Variants in ADGRB1 observed in about 807,000 individuals in gnomAD.
ADGRB1 encodes brain-specific angiogenesis inhibitor 1.
A neutral mutation model predicts 175.7 loss-of-function variants in ADGRB1; 36 were observed. That is an observed-to-expected ratio of 0.20 (90% CI 0.16 to 0.27). The LOEUF is 0.27. Ranked by LOEUF, ADGRB1 falls within the 10% of genes least tolerant of loss-of-function variation. The pLI, the probability that ADGRB1 is intolerant of heterozygous loss-of-function variation, is 1.00. For synonymous variants in ADGRB1, 1,054 were observed against 979.4 expected (o/e 1.08, Z -1.42); for missense variants, 1,731 against 2,255.3 (o/e 0.77, Z 4.71).
intron 23 of ADGRB1, among the ~76,000 whole-genome samples, chr8:142,524,938 G>A (rs904770046): frequency 3.3e-5 from 5 of 152,040 alleles, no homozygotes; most frequent in South Asian, 4.1e-4. Context: ...CACTCAGCCA[G>A]CCCCCACCTC....
At position 142,539,601 on chromosome 8, in the gene ADGRB1, C is replaced by T. The variant is rs535114864; in HGVS notation, c.3706+188C>T. On this transcript the variant is annotated intron_variant, in intron 27 of 30. Coordinates refer to ENST00000517894, the MANE Select transcript of ADGRB1 (RefSeq NM_001702.3). ...TGCCCTGGGGGCCCAGCCTTCCACC[C>T]CCGTCCACTTCCTGAGGCCGAAGGA... 214 of 678,060 alleles carry T rather than the reference C, an allele frequency of 3.2e-4. No homozygotes were observed. In the African/African-American group the frequency reaches 3.6e-3, roughly 11 times the overall value. The allele number at this position is 678,060 out of a possible 1,614,324, so 42.0% of individuals were successfully genotyped here. A position where few individuals can be genotyped will look rare whatever the true frequency, so the allele number is the denominator to read the frequency against.
intron 12 of ADGRB1, 79 bp downstream of exon 12, chr8:142,484,124 C>CGGGACCCCACCCCAGGCCGA: frequency 7.3e-7 from 1 of 1,366,510 alleles, no homozygotes; most frequent in Non-Finnish European, 1.0e-6. Flanking sequence ...CTCCAGTCGG[C>CGGGACCCCACCCCAGGCCGA]CTGGGGTGGG....
chr8:142,498,757 C>T (rs1842344749), intron 17 of ADGRB1, among the ~76,000 whole-genome samples: 1 of 152,198 alleles, frequency 6.6e-6, no homozygotes, highest in South Asian at 2.1e-4. Flanking sequence ...CTGCCCACCC[C>T]TCCCCTGCCC....
chr8:142,519,184 G>A (rs1164431950), intron 19 of ADGRB1, among the ~76,000 whole-genome samples: 2 of 152,190 alleles, frequency 1.3e-5, no homozygotes, highest in Non-Finnish European at 2.9e-5. Context: ...GGGGAATGGG[G>A]TTCAGGGGCT....
At position 142,543,506 on chromosome 8, in the gene ADGRB1, G is replaced by C. The variant is rs1053451698; in HGVS notation, c.4449+68G>C. On this transcript the variant is annotated intron_variant, in intron 29 of 30. Coordinates refer to ENST00000517894, the MANE Select transcript of ADGRB1 (RefSeq NM_001702.3). The surrounding 1 kb of genome is among the most constrained non-coding windows in gnomAD (Gnocchi z 4.4). ...TGTGCTCTGGGCTCCCACACGGCCA[G>C]GCAGCTCCCCGGCAGCCAGGGGACG... The C allele has an allele frequency of 6.2e-7, 1 of 1,608,686 alleles. No homozygotes were observed. The highest frequency in any genetic ancestry group is 1.3e-5 in the African/African-American group (1 of 74,784).
chr8:142,486,418 G>C (rs1391161525), intron 13 of ADGRB1, among the ~76,000 whole-genome samples: 2 of 152,216 alleles, frequency 1.3e-5, no homozygotes, highest in Non-Finnish European at 2.9e-5. Flanking sequence ...CCATGACCGG[G>C]TTGATGACCC....
At position 142,524,434 on chromosome 8, in the gene ADGRB1, C is replaced by T. The variant is rs1844055877; in HGVS notation, c.3312+130C>T. On this transcript the variant is annotated intron_variant, in intron 23 of 30. Coordinates refer to ENST00000517894, the MANE Select transcript of ADGRB1 (RefSeq NM_001702.3). ...CCTTCAGGATGGCCCTCATGGCCCT[C>T]ATCACCAGGGGGTGGGGGTGCCCAC... 3.8e-6 allele frequency: 4 copies of T among 1,054,142 alleles called. No individual in the cohort carries two copies. In the East Asian group the frequency reaches 1.1e-4, roughly 28 times the overall value. 65.3% of individuals were successfully genotyped at this position (1,054,142 alleles called of 1,614,324 possible). A position where few individuals can be genotyped will look rare whatever the true frequency, so the allele number is the denominator to read the frequency against.
chr8:142,531,946 C>T (rs577604182), intron 24 of ADGRB1, among the ~76,000 whole-genome samples: 26 of 152,274 alleles, frequency 1.7e-4, no homozygotes, highest in African/African-American at 6.0e-4. Context: ...GTGGGAGCAG[C>T]ATTGGTGGCC....
At chr8:142,498,505 C>T (rs1271607013) in intron 17 of ADGRB1, among the ~76,000 whole-genome samples, 6 of 152,156 alleles carry the variant, frequency 3.9e-5, no homozygotes, top group Non-Finnish European at 8.8e-5. Context: ...TTGGGGCTGG[C>T]AGCCAGGGCA....
Position 142,544,374 on chromosome 8 carries a change from C to T in ADGRB1, c.4712C>T (p.Pro1571Leu), listed in dbSNP as rs928628432. 5 of 1,530,230 alleles carry T rather than the reference C, an allele frequency of 3.3e-6. No individual in the cohort carries two copies. The highest frequency in any genetic ancestry group is 2.5e-5 in the East Asian group (1 of 40,648). 94.8% of individuals were successfully genotyped at this position (1,530,230 alleles called of 1,614,324 possible). ...VEWERSGATI[P>L]LVGQDIIDLQ... ...TGGGAGAGGTCGGGCGCCACGATCC[C>T]GCTGGTGGGCCAGGACATCATCGAC... Residue 1571 changes from proline (P) to leucine (L), a missense_variant, in exon 31 of 31, where the codon CCG becomes CTG. By Grantham distance (98) the Pro-to-Leu change is moderately conservative. This residue lies in a region of ADGRB1 where 7 missense variants were observed against 21.0 expected (regional missense o/e 0.33). Coordinates refer to ENST00000517894, the MANE Select transcript of ADGRB1 (RefSeq NM_001702.3).
At chr8:142,491,934 C>T (rs957010836) in intron 17 of ADGRB1, among the ~76,000 whole-genome samples, 3 of 152,000 alleles carry the variant, frequency 2.0e-5, no homozygotes, top group Non-Finnish European at 4.4e-5. Flanking sequence ...GGAGCAAGGG[C>T]AGGGAGGCTG....
chr8:142,454,980 T>C (rs1839577393), intron 1 of ADGRB1, among the ~76,000 whole-genome samples: 1 of 151,900 alleles, frequency 6.6e-6, no homozygotes, highest in Non-Finnish European at 1.5e-5. Context: ...CCTCCTTCCC[T>C]GCATGGGTTT....
rs1843060596 is a variant in ADGRB1 at position 142,510,836 on chromosome 8, C to T, written c.2676-96C>T. On this transcript the variant is annotated intron_variant, in intron 17 of 30. Coordinates refer to ENST00000517894, the MANE Select transcript of ADGRB1 (RefSeq NM_001702.3). This position sits in a 1 kb window ranked among gnomAD's most constrained non-coding sequence, Gnocchi z 6.3. ...CGGGGCGGCGGGCCGGGGCCGGGGC[C>T]GGGGCGCGGAGCCGCCGCTCGGGGG... The T allele has an allele frequency of 4.8e-6, 3 of 621,550 alleles. No individual in the cohort carries two copies. The highest frequency in any genetic ancestry group is 6.0e-6 in the Non-Finnish European group (3 of 500,832). The allele number at this position is 621,550 out of a possible 1,614,324, so 38.5% of individuals were successfully genotyped here.
intron 1 of ADGRB1, among the ~76,000 whole-genome samples, chr8:142,457,342 G>T (rs1206577761): frequency 6.6e-6 from 1 of 152,210 alleles, no homozygotes; most frequent in Admixed American, 6.5e-5. Flanking sequence ...AGAGCATGGG[G>T]CTGGCCAGAG....
chr8:142,492,949 G>A lies in ADGRB1; in HGVS notation c.2675+2134G>A, dbSNP rs929062040. On this transcript the variant is annotated intron_variant, in intron 17 of 30. Coordinates refer to ENST00000517894, the MANE Select transcript of ADGRB1 (RefSeq NM_001702.3). The surrounding 1 kb of genome is among the most constrained non-coding windows in gnomAD (Gnocchi z 4.4). ...TGTTCGCCGGCCGCGGCAGCTCTCGGGGGGCTGCGCCCTGGTTCACTCAAC... is the reference window on the plus strand; with the variant it reads ...TGTTCGCCGGCCGCGGCAGCTCTCGAGGGGCTGCGCCCTGGTTCACTCAAC... Among the ~76,000 whole-genome samples, 1 of 152,020 alleles carries A rather than the reference G, an allele frequency of 6.6e-6. No individual in the cohort carries two copies. The highest frequency in any genetic ancestry group is 1.5e-5 in the Non-Finnish European group (1 of 67,978).
intron 27 of ADGRB1, among the ~76,000 whole-genome samples, chr8:142,541,541 G>A (rs890302530): frequency 5.3e-5 from 8 of 152,300 alleles, no homozygotes; most frequent in East Asian, 1.9e-4. Context: ...CGTGGGCGTC[G>A]GGAGCGTTGG....
intron 17 of ADGRB1, among the ~76,000 whole-genome samples, chr8:142,502,034 A>AGTG (rs1842592178): frequency 1.2e-4 from 1 of 8,140 alleles, no homozygotes; most frequent in Non-Finnish European, 2.6e-4. Context: ...TTTTGATGAC[A>AGTG]GTGGTGGTGG....
intron 24 of ADGRB1, among the ~76,000 whole-genome samples, chr8:142,526,976 C>G (rs555738272): frequency 6.6e-6 from 1 of 152,164 alleles, no homozygotes; most frequent in Non-Finnish European, 1.5e-5. Context: ...CCCCCACTCC[C>G]CTACCACAAG....
intron 18 of ADGRB1, among the ~76,000 whole-genome samples, chr8:142,516,402 G>A (rs1474987590): frequency 4.9e-5 from 7 of 142,850 alleles, no homozygotes; most frequent in Admixed American, 3.5e-4. Context: ...GGCCCCAGTT[G>A]CGTGTGTGTG....
Sources: allele counts gnomAD v4.1 joint callset (sites outside exome capture counted in the v4.1 genomes callset), GRCh38; gene constraint gnomAD v4.1.1; regional missense constraint gnomAD v4.1.1; non-coding constraint Gnocchi (gnomAD v3.1); transcripts MANE v1.5; gene names NCBI Gene and HGNC (gene_info 2026-07-23, HGNC 2026-07-21).